FAM184A: variants seen among roughly 807,000 people sequenced by gnomAD.
FAM184A encodes family with sequence similarity 184 member A.
In FAM184A, 99 loss-of-function variants were observed where a neutral mutation model predicts 143.8. The observed-to-expected ratio is 0.69, with a 90% CI of 0.58 to 0.81. The LOEUF (loss-of-function observed/expected upper bound fraction) is 0.81. FAM184A is among the 40% of genes least tolerant of loss of function. The pLI is 0.00. For synonymous variants in FAM184A, 427 were observed against 446.4 expected, an observed-to-expected ratio of 0.96 and a Z score of 0.55; for missense variants, 1,217 against 1,310.5, an observed-to-expected ratio of 0.93 and a Z score of 1.10.
intron 1 of FAM184A, among the ~76,000 whole-genome samples, chr6:119,029,642 AAAG>A (rs1309294562): frequency 2.0e-5 from 3 of 152,178 alleles, no homozygotes; most frequent in African/African-American, 7.2e-5. Flanking sequence ...TGAAATTTAA[AAAG>A]AAAAATGTAC....
chr6:119,097,944 G>A (rs1406350423), intron 1 of FAM184A, among the ~76,000 whole-genome samples: 3 of 152,198 alleles, frequency 2.0e-5, no homozygotes, highest in Non-Finnish European at 4.4e-5. Flanking sequence ...GAACCAAACT[G>A]GGGCCCTCTC....
At chr6:119,096,147 C>T (rs910804864) in intron 1 of FAM184A, among the ~76,000 whole-genome samples, 6 of 152,126 alleles carry the variant, frequency 3.9e-5, no homozygotes, top group East Asian at 1.9e-4. Context: ...AAAAGGGTAC[C>T]TACTGTGTAT....
chr6:119,110,018 C>G (rs1045020489), intron 1 of FAM184A, among the ~76,000 whole-genome samples: 21 of 152,192 alleles, frequency 1.4e-4, no homozygotes, highest in African/African-American at 5.1e-4. Context: ...ATCCATCTCA[C>G]CTGGGGGTTG....
chr6:119,093,622 C>T (rs1379615508), intron 1 of FAM184A, among the ~76,000 whole-genome samples: 1 of 152,152 alleles, frequency 6.6e-6, no homozygotes, highest in Non-Finnish European at 1.5e-5. Context: ...TTAGAGGAGT[C>T]ACTGGAGGGA....
chr6:119,015,708 C>T (rs1334087294), intron 5 of FAM184A, among the ~76,000 whole-genome samples: 4 of 152,364 alleles, frequency 2.6e-5, no homozygotes, highest in East Asian at 1.9e-4. Flanking sequence ...CTGAGGAGTG[C>T]GAGCACATGG....
chr6:119,075,196 C>T (rs572442418), intron 1 of FAM184A, among the ~76,000 whole-genome samples: 87 of 151,848 alleles, frequency 5.7e-4, no homozygotes, highest in Admixed American at 8.5e-4. Flanking sequence ...CTTTGATATT[C>T]GAAGGAGAAA....
intron 1 of FAM184A, among the ~76,000 whole-genome samples, chr6:119,050,341 G>A (rs374387400): frequency 1.2e-4 from 19 of 152,234 alleles, no homozygotes; most frequent in South Asian, 8.3e-4. Context: ...ATACCCAGAG[G>A]AATATAAATC....
intron 1 of FAM184A, among the ~76,000 whole-genome samples, chr6:119,100,144 G>C (rs112173065): frequency 8.5e-5 from 13 of 152,220 alleles, no homozygotes; most frequent in African/African-American, 2.2e-4. Context: ...CCACACGTCT[G>C]GTGTGAGAGT....
chr6:119,136,473 G>T (rs565936289), intron 1 of FAM184A, among the ~76,000 whole-genome samples: 2 of 151,994 alleles, frequency 1.3e-5, no homozygotes, highest in South Asian at 2.1e-4. Context: ...AATTGGCAGC[G>T]CAGATTTGAT....
intron 1 of FAM184A, among the ~76,000 whole-genome samples, chr6:119,039,648 A>T (rs926657914): frequency 6.6e-6 from 1 of 152,208 alleles, no homozygotes; most frequent in African/African-American, 2.4e-5. Flanking sequence ...GCAGTGTTAC[A>T]GGTATCATAG....
At chr6:119,027,181 G>T (rs891932211) in intron 1 of FAM184A, among the ~76,000 whole-genome samples, 1 of 152,036 alleles carries the variant, frequency 6.6e-6, no homozygotes, top group African/African-American at 2.4e-5. Flanking sequence ...ACCTAGAGAT[G>T]TCCCACTTTC....
At chr6:119,080,724 G>A (rs1392383685), upstream of FAM184A, among the ~76,000 whole-genome samples, 3 of 152,156 alleles carry the variant, frequency 2.0e-5, no homozygotes, top group East Asian at 1.9e-4. Context: ...TCCTCTGAGT[G>A]TTGTGTTGGC....
chr6:119,049,330 C>T (rs1484077365), intron 1 of FAM184A, among the ~76,000 whole-genome samples: 5 of 152,200 alleles, frequency 3.3e-5, no homozygotes, highest in Admixed American at 3.3e-4. Flanking sequence ...CACCTATAGT[C>T]CCAGCTACTT....
intron 1 of FAM184A, among the ~76,000 whole-genome samples, chr6:119,075,404 G>A (rs962369457): frequency 9.2e-5 from 14 of 152,012 alleles, no homozygotes; most frequent in Admixed American, 2.0e-4. Flanking sequence ...ACTATGTGCC[G>A]CTACAACTCT....
At chr6:119,126,641 C>T (rs1789374561) in intron 1 of FAM184A, among the ~76,000 whole-genome samples, 1 of 152,176 alleles carries the variant, frequency 6.6e-6, no homozygotes, top group African/African-American at 2.4e-5. Flanking sequence ...ACAGTCAGTG[C>T]TCTTTTAGTT....
At chr6:118,999,159 G>A (rs369389794) in intron 9 of FAM184A, among the ~76,000 whole-genome samples, 1 of 152,154 alleles carries the variant, frequency 6.6e-6, no homozygotes, top group Non-Finnish European at 1.5e-5. Context: ...AACAGTGAAC[G>A]GACGCTAGTT....
At chr6:119,025,537 T>G in intron 1 of FAM184A, 1 of 518,788 alleles carries the variant, frequency 1.9e-6, no homozygotes, top group Admixed American at 1.9e-5. Context: ...TACAGGTCTT[T>G]ATTTTCATTT....
At chr6:118,984,158 A>AAAATAT (rs375843703) in intron 9 of FAM184A, among the ~76,000 whole-genome samples, 4 of 126,948 alleles carry the variant, frequency 3.2e-5, no homozygotes, top group East Asian at 4.3e-4. Flanking sequence ...TTAAAAAAAA[A>AAAATAT]ATATATATAT....
chr6:119,089,666 T>C (rs1447493090), intron 1 of FAM184A, among the ~76,000 whole-genome samples: 2 of 152,194 alleles, frequency 1.3e-5, no homozygotes, highest in Non-Finnish European at 2.9e-5. Context: ...ATATCAATCA[T>C]GCTCCAACTC....
Sources: allele counts gnomAD v4.1 joint callset (sites outside exome capture counted in the v4.1 genomes callset), GRCh38; gene constraint gnomAD v4.1.1; transcripts MANE v1.5; gene names NCBI Gene and HGNC (gene_info 2026-07-23, HGNC 2026-07-21).